CDH6: variants seen among roughly 807,000 people sequenced by gnomAD.
The protein encoded by CDH6 is cadherin 6.
CDH6 carries 31 observed loss-of-function variants against 78.0 expected under a neutral mutation model. The ratio of observed to expected loss-of-function variants is 0.40; its 90% confidence interval spans 0.30 to 0.54. The LOEUF is 0.54. Ranked by LOEUF, CDH6 falls within the 20% of genes least tolerant of loss-of-function variation. CDH6 has a pLI of 0.56. For missense variants in CDH6, 724 were observed against 975.9 expected, an observed-to-expected ratio of 0.74 and a Z score of 3.44; for synonymous variants, 376 against 368.8, an observed-to-expected ratio of 1.02 and a Z score of -0.23.
At chr5:31,302,968 G>GAAGGAAGGAAAGA (rs1737870821) in intron 6 of CDH6, among the ~76,000 whole-genome samples, 40 of 119,082 alleles carry the variant, frequency 3.4e-4, no homozygotes, top group African/African-American at 1.2e-3. Flanking sequence ...GGAAAGAAAA[G>GAAGGAAGGAAAGA]AAAGAAAGAA....
chr5:31,302,708 GA>G (rs61544846), intron 6 of CDH6, among the ~76,000 whole-genome samples: 42,972 of 96,452 alleles, frequency 0.45, 10,456 homozygotes, highest in African/African-American at 0.5. Context: ...GTGAGACTCT[GA>G]AAAAAAAAAA....
chr5:31,295,033 G>C (rs1473257828), intron 3 of CDH6, among the ~76,000 whole-genome samples: 1 of 152,092 alleles, frequency 6.6e-6, no homozygotes, highest in Non-Finnish European at 1.5e-5. Flanking sequence ...AGATTCAAAA[G>C]GGCTGAAATT....
chr5:31,212,644 G>T (rs1561025627), intron 1 of CDH6, among the ~76,000 whole-genome samples: 2 of 152,068 alleles, frequency 1.3e-5, no homozygotes, highest in East Asian at 3.9e-4. Context: ...TGTCATCTTG[G>T]CCTGAGGGTA....
intron 1 of CDH6, among the ~76,000 whole-genome samples, chr5:31,202,930 T>G (rs150426563): frequency 6.6e-6 from 1 of 152,090 alleles, no homozygotes; most frequent in East Asian, 1.9e-4. Context: ...AGTTTCTAAT[T>G]TAATACCAAT....
chr5:31,202,725 CAT>C (rs1160107218), intron 1 of CDH6, among the ~76,000 whole-genome samples: 1 of 150,386 alleles, frequency 6.6e-6, no homozygotes, highest in Non-Finnish European at 1.5e-5. Context: ...ATATATGTTA[CAT>C]ATATACATAT....
chr5:31,229,335 A>G (rs1741249370), intron 1 of CDH6, among the ~76,000 whole-genome samples: 1 of 152,220 alleles, frequency 6.6e-6, no homozygotes, highest in Admixed American at 6.5e-5. Flanking sequence ...TTAGAAATTA[A>G]ATGTTTGGCC....
At chr5:31,289,674 C>T (rs1022069344) in intron 2 of CDH6, among the ~76,000 whole-genome samples, 8 of 152,134 alleles carry the variant, frequency 5.3e-5, no homozygotes, top group African/African-American at 1.9e-4. Context: ...GCATATGCTG[C>T]GGAGATTGCA....
intron 1 of CDH6, among the ~76,000 whole-genome samples, chr5:31,226,702 G>A (rs944735163): frequency 4.6e-5 from 7 of 152,066 alleles, no homozygotes; most frequent in Non-Finnish European, 1.0e-4. Flanking sequence ...AGAAGAAAAC[G>A]GTCAGTTCAA....
At chr5:31,203,417 TC>T (rs1740426034) in intron 1 of CDH6, among the ~76,000 whole-genome samples, 1 of 104,298 alleles carries the variant, frequency 9.6e-6, no homozygotes, top group African/African-American at 3.8e-5. Context: ...CCCACAACAG[TC>T]CCCAGAGTGT....
intron 2 of CDH6, among the ~76,000 whole-genome samples, chr5:31,290,028 G>A (rs761670526): frequency 7.9e-5 from 12 of 151,786 alleles, no homozygotes; most frequent in East Asian, 1.9e-4. Flanking sequence ...GGCCCAAGGC[G>A]GACAGATCAC....
At chr5:31,319,885 A>C (rs2149961124) in intron 11 of CDH6, among the ~76,000 whole-genome samples, 1 of 152,354 alleles carries the variant, frequency 6.6e-6, no homozygotes, top group South Asian at 2.1e-4. Context: ...CTCATTCATG[A>C]CAATAAGACT....
chr5:31,199,897 A>C (rs1194126170), intron 1 of CDH6, among the ~76,000 whole-genome samples: 1 of 151,762 alleles, frequency 6.6e-6, no homozygotes, highest in African/African-American at 2.4e-5. Context: ...ACCCTACTAT[A>C]CTTGTATCCT....
chr5:31,317,691 T>G lies in CDH6; in HGVS notation c.1649T>G (p.Leu550Ter). The change falls in exon 11 of 12, where the codon TTA becomes TGA. Residue 550 changes from leucine to a stop codon, truncating the protein, a stop_gained. Transcript: ENST00000265071. LOFTEE classifies it high-confidence loss of function. ...QDNKDNTAGILTRKNGYNRHE... is the reference protein window; with the variant it reads ...QDNKDNTAGI ...GTTCCAGACAACACGGCGGGAATCTTAACTCGGAAAAATGGCTATAATAGA... is the reference window on the plus strand; with the variant it reads ...GTTCCAGACAACACGGCGGGAATCTGAACTCGGAAAAATGGCTATAATAGA... The G allele has an allele frequency of 6.2e-7, 1 of 1,610,100 alleles. No homozygotes were observed. Among genetic ancestry groups the G allele is most frequent in the Non-Finnish European group, 8.5e-7 (1 of 1,176,590 alleles).
intron 1 of CDH6, among the ~76,000 whole-genome samples, chr5:31,201,033 C>G (rs1667674467): frequency 6.6e-6 from 1 of 152,142 alleles, no homozygotes; most frequent in African/African-American, 2.4e-5. Context: ...TTATCTCTAT[C>G]TTTCTCTGCT....
At chr5:31,215,536 ATTAT>A (rs1274077293) in intron 1 of CDH6, among the ~76,000 whole-genome samples, 1 of 152,192 alleles carries the variant, frequency 6.6e-6, no homozygotes, top group African/African-American at 2.4e-5. Flanking sequence ...CAGCAGACTC[ATTAT>A]TTATTCCAAA....
At chr5:31,239,115 G>T (rs1475621771) in intron 1 of CDH6, among the ~76,000 whole-genome samples, 2 of 152,126 alleles carry the variant, frequency 1.3e-5, no homozygotes, top group African/African-American at 4.8e-5. Flanking sequence ...CCTCCGCAGG[G>T]CATCATATGG....
chr5:31,301,437 A>AT (rs999513158), intron 5 of CDH6, among the ~76,000 whole-genome samples: 3 of 152,214 alleles, frequency 2.0e-5, no homozygotes, highest in Admixed American at 6.5e-5. Context: ...ACAGGAGCAT[A>AT]TTTTTTTTAA....
At chr5:31,224,768 T>C (rs1255376366) in intron 1 of CDH6, among the ~76,000 whole-genome samples, 1 of 152,136 alleles carries the variant, frequency 6.6e-6, no homozygotes, top group African/African-American at 2.4e-5. Context: ...TGTCTCAAAC[T>C]CTTGGGCTCA....
chr5:31,219,097 T>C (rs1007946994), intron 1 of CDH6, among the ~76,000 whole-genome samples: 3 of 152,182 alleles, frequency 2.0e-5, no homozygotes, highest in Admixed American at 6.5e-5. Flanking sequence ...ATCCAAGCAA[T>C]TGAAGGCCGA....
Sources: allele counts gnomAD v4.1 joint callset (sites outside exome capture counted in the v4.1 genomes callset), GRCh38; gene constraint gnomAD v4.1.1; transcripts MANE v1.5; gene names NCBI Gene and HGNC (gene_info 2026-07-23, HGNC 2026-07-21).